The following KHDRBS2 variants were observed in gnomAD, a reference collection of about 807,000 sequenced individuals.
The protein encoded by KHDRBS2 is KH RNA binding domain containing, signal transduction associated 2.
Under a neutral mutation model 44.3 loss-of-function variants are expected in KHDRBS2, and 26 were observed. That is an observed-to-expected ratio of 0.59 (90% CI 0.43 to 0.81). The LOEUF is 0.81. KHDRBS2 is among the 40% of genes least tolerant of loss of function. The pLI is 0.00. For missense variants in KHDRBS2, 476 were observed against 433.1 expected (o/e 1.10, Z -0.88); for synonymous variants, 194 against 151.1 (o/e 1.28, Z -2.08).
chr6:62,138,040 C>T (rs1193236355), intron 2 of KHDRBS2, among the ~76,000 whole-genome samples: 2 of 152,136 alleles, frequency 1.3e-5, no homozygotes, highest in South Asian at 2.1e-4. Flanking sequence ...TTGCCTAGGA[C>T]CCCAGCTGAA....
At chr6:61,719,214 A>G (rs1381001035) in intron 7 of KHDRBS2, among the ~76,000 whole-genome samples, 1 of 152,192 alleles carries the variant, frequency 6.6e-6, no homozygotes, top group East Asian at 1.9e-4. Context: ...AATTTTTAAC[A>G]TTTCACATCC....
intron 1 of KHDRBS2, among the ~76,000 whole-genome samples, chr6:62,233,261 T>A (rs549640451): frequency 1.3e-5 from 2 of 151,632 alleles, no homozygotes; most frequent in South Asian, 4.1e-4. Flanking sequence ...AATCTCCTTC[T>A]CCTCCACCCC....
intron 1 of KHDRBS2, among the ~76,000 whole-genome samples, chr6:62,216,313 A>C (rs1203059053): frequency 1.3e-5 from 2 of 151,838 alleles, no homozygotes; most frequent in East Asian, 3.9e-4. Context: ...TAATATGATC[A>C]AGAATAGGTT....
At chr6:61,934,751 G>C (rs559720060) in intron 4 of KHDRBS2, among the ~76,000 whole-genome samples, 2 of 152,194 alleles carry the variant, frequency 1.3e-5, no homozygotes, top group East Asian at 3.9e-4. Context: ...TCCCAAATTG[G>C]GGTAACAGGA....
rs924043393 is a variant in KHDRBS2, at chr6:62,022,182, T to A, written c.336+25696A>T. 2.0e-5 allele frequency among the ~76,000 whole-genome samples: 3 copies of A among 151,596 alleles called. No homozygotes were observed. The East Asian group carries it at 5.8e-4, about 29-fold the overall frequency. On this transcript the variant is annotated intron_variant, in intron 3 of 8. Coordinates refer to ENST00000281156, the MANE Select transcript of KHDRBS2 (RefSeq NM_152688.4). ...CAAATTTTTCCTTATTAAGTAAACATGTTTAATTAAAAGTAAAAAAATGTT... is the reference window on the plus strand; with the variant it reads ...CAAATTTTTCCTTATTAAGTAAACAAGTTTAATTAAAAGTAAAAAAATGTT...
intron 4 of KHDRBS2, among the ~76,000 whole-genome samples, chr6:61,927,465 G>T (rs559739453): frequency 6.6e-6 from 1 of 152,166 alleles, no homozygotes; most frequent in South Asian, 2.1e-4. Context: ...TCAAAAAAGT[G>T]GTGCTTGGTA....
chr6:61,730,264 A>G (rs1391183931), intron 7 of KHDRBS2, among the ~76,000 whole-genome samples: 1 of 152,080 alleles, frequency 6.6e-6, no homozygotes, highest in Non-Finnish European at 1.5e-5. Flanking sequence ...TTCATCACCT[A>G]CTTTCTTTGT....
At chr6:62,231,582 T>C (rs1832908998) in intron 1 of KHDRBS2, among the ~76,000 whole-genome samples, 2 of 152,056 alleles carry the variant, frequency 1.3e-5, no homozygotes, top group Admixed American at 6.6e-5. Flanking sequence ...TACCCCGCAA[T>C]ATAAAACATG....
At chr6:61,673,227 C>T in the KHDRBS2 span, among the ~76,000 whole-genome samples, 9 of 152,040 alleles carry the variant, frequency 5.9e-5, no homozygotes, top group Admixed American at 1.3e-4. Context: ...GGTACCAGTA[C>T]CATGCTGTTT....
Position 61,848,511 on chromosome 6 carries a change from G to GTATATATATACA in KHDRBS2, c.810+46123_810+46124insTGTATATATATA, listed in dbSNP as rs1178845054. Among the ~76,000 whole-genome samples the GTATATATATACA allele has an allele frequency of 1.5e-3, 44 of 30,026 alleles. 1 individual carries two copies. Among genetic ancestry groups the GTATATATATACA allele is most frequent in the Non-Finnish European group, 1.9e-3 (32 of 16,780 alleles). 19.7% of individuals were successfully genotyped at this position (30,026 alleles called of 152,430 possible). Reference sequence around the variant, plus strand: ...TATATGTATATATATATATATATATGTATATATGTATATATATATACATAT... The same window carrying GTATATATATACA: ...TATATGTATATATATATATATATATGTATATATATACATATATATGTATATATATATACATAT... On this transcript the variant is annotated intron_variant, in intron 6 of 8. Transcript: ENST00000281156.
intron 3 of KHDRBS2, among the ~76,000 whole-genome samples, chr6:61,981,171 T>C (rs2127405024): frequency 6.6e-6 from 1 of 152,272 alleles, no homozygotes; most frequent in African/African-American, 2.4e-5. Flanking sequence ...CCAATAAAGC[T>C]CTCCTTTCTA....
chr6:61,898,658 G>T (rs1264849997), intron 5 of KHDRBS2, among the ~76,000 whole-genome samples: 1 of 151,848 alleles, frequency 6.6e-6, no homozygotes, highest in Non-Finnish European at 1.5e-5. Context: ...TCTAGTAAGT[G>T]GGAGAACTAG....
chr6:62,197,971 C>G (rs1442922313), intron 1 of KHDRBS2, among the ~76,000 whole-genome samples: 1 of 152,126 alleles, frequency 6.6e-6, no homozygotes, highest in East Asian at 1.9e-4. Context: ...ATTGAACAAC[C>G]TGCTCCTGAA....
intron 2 of KHDRBS2, among the ~76,000 whole-genome samples, chr6:62,152,037 T>C (rs890270049): frequency 7.2e-5 from 11 of 152,130 alleles, no homozygotes; most frequent in Non-Finnish European, 1.5e-4. Flanking sequence ...TAGTGCTTAC[T>C]GGCTGGGCAC....
chr6:61,901,674 T>C (rs16900514), intron 4 of KHDRBS2, among the ~76,000 whole-genome samples: 13,288 of 152,202 alleles, frequency 0.087, 597 homozygotes, highest in Middle Eastern at 0.15. Flanking sequence ...CAACATAAAA[T>C]GAGAACTTGG....
At chr6:62,189,692 A>C (rs149882680) in intron 1 of KHDRBS2, among the ~76,000 whole-genome samples, 104 of 152,204 alleles carry the variant, frequency 6.8e-4, no homozygotes, top group African/African-American at 2.4e-3. Flanking sequence ...AATTGGTTGG[A>C]TTATTTGGAA....
chr6:61,816,320 G>A (rs898558314), intron 6 of KHDRBS2, among the ~76,000 whole-genome samples: 1 of 151,940 alleles, frequency 6.6e-6, no homozygotes, highest in Non-Finnish European at 1.5e-5. Flanking sequence ...TGGATCCATG[G>A]GATTAGCATG....
chr6:62,067,569 C>T (rs1270594588), intron 2 of KHDRBS2, among the ~76,000 whole-genome samples: 2 of 151,488 alleles, frequency 1.3e-5, no homozygotes, highest in Non-Finnish European at 3.0e-5. Context: ...ATATTTTAAA[C>T]ATATTTATTG....
chr6:61,555,014 G>T, the KHDRBS2 span, among the ~76,000 whole-genome samples: 35 of 151,566 alleles, frequency 2.3e-4, no homozygotes, highest in East Asian at 1.9e-3. Flanking sequence ...TTTCACAGGG[G>T]TTTTTTTTGC....
Sources: allele counts gnomAD v4.1 joint callset (sites outside exome capture counted in the v4.1 genomes callset), GRCh38; gene constraint gnomAD v4.1.1; transcripts MANE v1.5; gene names NCBI Gene and HGNC (gene_info 2026-07-23, HGNC 2026-07-21).